The following SLC27A2 variants were observed in gnomAD, a reference collection of about 807,000 sequenced individuals.
SLC27A2 encodes the protein long-chain fatty acid transport protein 2.
A neutral mutation model predicts 60.0 loss-of-function variants in SLC27A2; 54 were observed. The observed-to-expected ratio is 0.90, with a 90% CI of 0.72 to 1.13. The LOEUF (loss-of-function observed/expected upper bound fraction) is 1.13. Ranked by LOEUF, SLC27A2 falls within the 50% of genes most tolerant of loss-of-function variation. The pLI is 0.00. For synonymous variants in SLC27A2, 297 were observed against 297.6 expected, an observed-to-expected ratio of 1.00 and a Z score of 0.02; for missense variants, 739 against 777.6, an observed-to-expected ratio of 0.95 and a Z score of 0.59.
chr15:50,221,613 C>T (rs1394529789), intron 4 of SLC27A2, among the ~76,000 whole-genome samples: 1 of 152,174 alleles, frequency 6.6e-6, no homozygotes, highest in East Asian at 1.9e-4. Context: ...ATTCCAAAAC[C>T]ACTTCACAGT....
At chr15:50,208,330 G>A (rs2045129089) in intron 4 of SLC27A2, among the ~76,000 whole-genome samples, 1 of 152,204 alleles carries the variant, frequency 6.6e-6, no homozygotes, top group African/African-American at 2.4e-5. Flanking sequence ...TTTGGCCCCA[G>A]GTACTTAAAG....
In SLC27A2 at chr15:50,225,993, C is replaced by G; in HGVS notation, c.1173C>G (p.Ile391Met). The change falls in exon 6 of 10, where the codon ATC becomes ATG. Residue 391 changes from isoleucine (I) to methionine (M), a missense_variant. Transcript: ENST00000267842. ...AATTATTTTAATCTTGCTAGAAAAT[C>G]ATAACTTATGACCTGATTAAATATG... ...VGRVNYLQKK[I>M]ITYDLIKYDV... is the part of the protein sequence containing the mutation. 1 of 1,573,734 alleles carries G rather than the reference C, an allele frequency of 6.4e-7. No homozygotes were observed. The highest frequency in any genetic ancestry group is 1.1e-5 in the South Asian group (1 of 88,236).
chr15:50,203,826 C>T (rs987203426), intron 3 of SLC27A2, among the ~76,000 whole-genome samples: 7 of 152,084 alleles, frequency 4.6e-5, no homozygotes, highest in Non-Finnish European at 1.0e-4. Flanking sequence ...CAGGAGACAG[C>T]CAGCTTCTTT....
At chr15:50,214,535 A>G (rs1437220002) in intron 4 of SLC27A2, among the ~76,000 whole-genome samples, 1 of 152,138 alleles carries the variant, frequency 6.6e-6, no homozygotes, top group East Asian at 1.9e-4. Context: ...CTGCAGACCA[A>G]TATCCTTCAT....
chr15:50,231,639 G>A (rs560317330), intron 8 of SLC27A2, among the ~76,000 whole-genome samples: 1 of 152,316 alleles, frequency 6.6e-6, no homozygotes, highest in African/African-American at 2.4e-5. Flanking sequence ...AAGCTCTGGA[G>A]TATGGGACTC....
chr15:50,228,176 C>T (rs552794228), intron 7 of SLC27A2, among the ~76,000 whole-genome samples: 1 of 152,030 alleles, frequency 6.6e-6, no homozygotes, highest in African/African-American at 2.4e-5. Flanking sequence ...TCAGGAGTTC[C>T]AGACCAGCCT....
chr15:50,202,949 G>A (rs1402245736), intron 3 of SLC27A2, among the ~76,000 whole-genome samples: 2 of 151,544 alleles, frequency 1.3e-5, no homozygotes, highest in Non-Finnish European at 2.9e-5. Context: ...GGAGGCCAAG[G>A]CAGGAGGATT....
At chr15:50,201,839 G>A (rs1435088729) in intron 2 of SLC27A2, among the ~76,000 whole-genome samples, 1 of 152,150 alleles carries the variant, frequency 6.6e-6, no homozygotes, top group African/African-American at 2.4e-5. Flanking sequence ...ACAGGCGTGA[G>A]CCACCGCGCC....
At chr15:50,231,749 T>C (rs1476545260) in intron 8 of SLC27A2, among the ~76,000 whole-genome samples, 1 of 152,160 alleles carries the variant, frequency 6.6e-6, no homozygotes, top group Non-Finnish European at 1.5e-5. Flanking sequence ...TTGACAGTCT[T>C]ACAGTGTTGG....
At position 50,233,744 on chromosome 15, in the gene SLC27A2, TA is replaced by T. The variant is rs1461920765; in HGVS notation, c.1556-119del. Reference sequence around the variant, plus strand: ...TTACAGTATCTTCATGTATTTTTAATAAAAATTCCAGCTATCCAAATGAAAC... The same window carrying T: ...TTACAGTATCTTCATGTATTTTTAATAAAATTCCAGCTATCCAAATGAAAC... On this transcript the variant is annotated intron_variant, in intron 8 of 9. Transcript: ENST00000267842. The T allele has an allele frequency of 1.6e-5, 13 of 789,676 alleles. No homozygotes were observed. The African/African-American group carries it at 2.3e-4, about 14-fold the overall frequency. The allele number at this position is 789,676 out of a possible 1,614,324, so 48.9% of individuals were successfully genotyped here.
chr15:50,199,693 C>T (rs1010477411), intron 2 of SLC27A2, among the ~76,000 whole-genome samples: 1 of 152,088 alleles, frequency 6.6e-6, no homozygotes, highest in Non-Finnish European at 1.5e-5. Flanking sequence ...CTTTGGGAGG[C>T]CAAGGCAGGA....
intron 4 of SLC27A2, among the ~76,000 whole-genome samples, chr15:50,216,814 T>G (rs2045200933): frequency 7.3e-6 from 1 of 137,410 alleles, no homozygotes; most frequent in South Asian, 2.3e-4. Flanking sequence ...AAAATATATA[T>G]ATTTTATGGA....
chr15:50,201,761 T>C (rs2045065916), intron 2 of SLC27A2, among the ~76,000 whole-genome samples: 1 of 152,042 alleles, frequency 6.6e-6, no homozygotes, highest in Admixed American at 6.5e-5. Context: ...TTCACCATGT[T>C]AGCCAGGATG....
At chr15:50,192,125 T>C (rs183085393) in intron 1 of SLC27A2, among the ~76,000 whole-genome samples, 1 of 149,632 alleles carries the variant, frequency 6.7e-6, no homozygotes, top group East Asian at 2.0e-4. Flanking sequence ...CTCAAGAAAA[T>C]AAAAGACATT....
At position 50,235,967 on chromosome 15, in the gene SLC27A2, G is replaced by A. The variant is rs369281413; in HGVS notation, c.1734G>A (p.Leu578=). 2 of 1,613,866 alleles carry A rather than the reference G, an allele frequency of 1.2e-6. No individual in the cohort carries two copies. The highest frequency in any genetic ancestry group is 1.7e-6 in the Non-Finnish European group (2 of 1,179,922). ...TGTFKHRKMT[L]VEEGFNPAVI... is the part of the protein sequence containing the mutation. Reference sequence around the variant, plus strand: ...CTTTTAAACACCGCAAAATGACCCTGGTGGAGGAGGGCTTTAACCCTGCTG... The same window carrying A: ...CTTTTAAACACCGCAAAATGACCCTAGTGGAGGAGGGCTTTAACCCTGCTG... The change falls in exon 10 of 10, where the codon CTG becomes CTA. Residue 578 remains leucine, a synonymous_variant. Transcript: ENST00000267842.
In SLC27A2 at chr15:50,182,502, C is replaced by T. The variant is rs760962656; in HGVS notation, c.75C>T (p.Tyr25=). The change falls in exon 1 of 10, where the codon TAC becomes TAT. Residue 25 remains tyrosine (Y), a synonymous_variant. Coordinates refer to ENST00000267842, the MANE Select transcript of SLC27A2 (RefSeq NM_003645.4). The part of the protein sequence containing the change: ...LPLLVNLCCP[Y]FFQDIGYFLK... The stretch of plus-strand genomic sequence containing the variant: ...TCCTGGTGAACCTCTGCTGCCCATA[C>T]TTCTTCCAGGACATAGGCTACTTCT... The T allele has an allele frequency of 2.1e-5, 34 of 1,612,022 alleles. No individual in the cohort carries two copies. In the African/African-American group the frequency reaches 3.3e-4, roughly 16 times the overall value.
At chr15:50,207,290 A>G (rs756142162) in intron 4 of SLC27A2, among the ~76,000 whole-genome samples, 6 of 152,206 alleles carry the variant, frequency 3.9e-5, no homozygotes, top group Admixed American at 6.5e-5. Context: ...GTTGTCTCAA[A>G]TACTGGAAAA....
At chr15:50,193,532 A>G (rs1287238684) in intron 1 of SLC27A2, among the ~76,000 whole-genome samples, 4 of 152,344 alleles carry the variant, frequency 2.6e-5, no homozygotes, top group South Asian at 2.1e-4. Context: ...AGGAGGAAAG[A>G]AAGGAGATTT....
intron 4 of SLC27A2, among the ~76,000 whole-genome samples, chr15:50,213,928 C>T (rs2045176124): frequency 6.6e-6 from 1 of 151,660 alleles, no homozygotes; most frequent in Non-Finnish European, 1.5e-5. Flanking sequence ...AAACCAAACC[C>T]AAACCCAGCA....
Sources: gnomAD v4.1 joint callset for allele counts (sites outside exome capture counted in the v4.1 genomes callset) on GRCh38, gnomAD v4.1.1 for gene constraint, MANE v1.5 for transcripts, NCBI Gene and HGNC (gene_info 2026-07-23, HGNC 2026-07-21) for gene names.